Variants in XPO4 observed in about 807,000 individuals in gnomAD.
XPO4 encodes the protein exportin-4.
A neutral mutation model predicts 143.0 loss-of-function variants in XPO4; 39 were observed. That is an observed-to-expected ratio of 0.27 (90% confidence interval 0.21 to 0.36). The LOEUF (loss-of-function observed/expected upper bound fraction) is 0.36, where lower values mean the gene tolerates loss of function less well. Among genes scored for constraint, XPO4 ranks in the 10% least tolerant of loss-of-function variants. The pLI is 1.00. For missense variants in XPO4, 907 were observed against 1,348.0 expected, an observed-to-expected ratio of 0.67 and a Z score of 5.12; for synonymous variants, 439 against 474.0, an observed-to-expected ratio of 0.93 and a Z score of 0.96.
At chr13:20,876,366 G>GA (rs1255078627) in intron 1 of XPO4, among the ~76,000 whole-genome samples, 1 of 150,530 alleles carries the variant, frequency 6.6e-6, no homozygotes, top group East Asian at 1.9e-4. Flanking sequence ...TATTAGAGCA[G>GA]AAAAAACAAT....
In XPO4 at chr13:20,786,452, G is replaced by A. The variant is rs542490723; in HGVS notation, c.3258+513C>T. ...CAGGCACCTATTCGATCAGAAGTGG[G>A]GAGACAGGTAAGCTAGCCTAACTCT... On this transcript the variant is annotated intron_variant, in intron 22 of 22. Coordinates refer to ENST00000255305, the MANE Select transcript of XPO4 (RefSeq NM_022459.5). 1.9e-3 allele frequency among the ~76,000 whole-genome samples: 292 copies of A among 152,004 alleles called. 2 individuals are homozygous for A. Among genetic ancestry groups the A allele is most frequent in the African/African-American group, 6.8e-3 (282 of 41,426 alleles).
At position 20,822,117 on chromosome 13, in the gene XPO4, G is replaced by T; in HGVS notation, c.998+15C>A. 2 of 1,591,650 alleles carry T rather than the reference G, an allele frequency of 1.3e-6. No homozygotes were observed. The highest frequency in any genetic ancestry group is 1.2e-5 in the South Asian group (1 of 86,926). ...TAGAGCTCCTTTTTCAGCTGCAAAG[G>T]GCAAGTATACCTACCCATTGATAGT... On this transcript the variant is annotated intron_variant, in intron 8 of 22. Transcript: ENST00000255305.
chr13:20,895,160 AGAGT>A (rs1183382834), intron 1 of XPO4, among the ~76,000 whole-genome samples: 1 of 152,182 alleles, frequency 6.6e-6, no homozygotes, highest in Admixed American at 6.5e-5. Context: ...CCTAGGCAAC[AGAGT>A]GAGACTCCAT....
intron 7 of XPO4, among the ~76,000 whole-genome samples, chr13:20,822,624 T>C (rs1043615554): frequency 2.6e-5 from 4 of 152,264 alleles, no homozygotes; most frequent in Non-Finnish European, 5.9e-5. Flanking sequence ...ATCTGTATTA[T>C]GCTAACTATG....
intron 6 of XPO4, among the ~76,000 whole-genome samples, chr13:20,829,036 G>A (rs2059821297): frequency 6.6e-6 from 1 of 152,122 alleles, no homozygotes; most frequent in African/African-American, 2.4e-5. Flanking sequence ...CCACAATAAC[G>A]GGATGCCAAA....
intron 2 of XPO4, among the ~76,000 whole-genome samples, chr13:20,867,236 G>C (rs1295117529): frequency 1.3e-5 from 2 of 152,170 alleles, no homozygotes; most frequent in African/African-American, 4.8e-5. Context: ...GCTTCAGTGA[G>C]AATTTAAAAG....
chr13:20,805,720 T>G (rs2059496206), intron 13 of XPO4, among the ~76,000 whole-genome samples: 2 of 152,196 alleles, frequency 1.3e-5, no homozygotes, highest in African/African-American at 4.8e-5. Context: ...CTCTCCTTTA[T>G]AAAGAGTTCT....
At position 20,796,113 on chromosome 13, in the gene XPO4, GT is replaced by G. The variant is rs1193913159; in HGVS notation, c.2759del (p.Asn920ThrfsTer8). On this transcript the variant is annotated frameshift_variant, in exon 18 of 23. Transcript: ENST00000255305. LOFTEE classifies it high-confidence loss of function. ...DLLLIMELLT[N>X]LLSKEFIDFS... ...AATCTATGAATTCTTTTGACAGCAG[GT>G]TAGTAAGAAGTTCCATAATGAGAAG... The G allele has an allele frequency of 6.2e-7, 1 of 1,613,596 alleles. No homozygotes were observed. The highest frequency in any genetic ancestry group is 1.1e-5 in the South Asian group (1 of 90,978).
At position 20,787,028 on chromosome 13, in the gene XPO4, CT is replaced by C; in HGVS notation, c.3194del (p.Lys1065SerfsTer6). 1.3e-6 allele frequency: 2 copies of C among 1,566,624 alleles called. No individual in the cohort carries two copies. Among genetic ancestry groups the C allele is most frequent in the Non-Finnish European group, 8.7e-7 (1 of 1,152,840 alleles). On this transcript the variant is annotated frameshift_variant, in exon 22 of 23. Transcript: ENST00000255305. LOFTEE classifies it high-confidence loss of function. ...CCGCAGTGGTCATCTCTGTGTTGTG[CT>C]TTTGCAAAACCAGCATATCAAAAAC... is the stretch of plus-strand genomic sequence containing the variant. ...KLVFDMLVLQ[K>X]HNTEMTTAAG... is the part of the protein sequence containing the mutation.
At chr13:20,823,566 T>C (rs1443402416) in intron 7 of XPO4, among the ~76,000 whole-genome samples, 1 of 137,884 alleles carries the variant, frequency 7.3e-6, no homozygotes, top group Non-Finnish European at 1.5e-5. Flanking sequence ...TAAGAATGGT[T>C]GTGTTTTTTT....
At chr13:20,837,631 C>CGA (rs1431768880) in intron 6 of XPO4, among the ~76,000 whole-genome samples, 3 of 152,002 alleles carry the variant, frequency 2.0e-5, no homozygotes, top group Non-Finnish European at 4.4e-5. Flanking sequence ...AACACATACC[C>CGA]GAGATTGAGC....
chr13:20,878,270 C>G (rs2060372857), intron 1 of XPO4, among the ~76,000 whole-genome samples: 1 of 152,144 alleles, frequency 6.6e-6, no homozygotes, highest in South Asian at 2.1e-4. Context: ...TGAGACTTAT[C>G]TAGAAAAAGT....
chr13:20,851,753 C>T lies in XPO4; in HGVS notation c.456+3874G>A, dbSNP rs981747067. On this transcript the variant is annotated intron_variant, in intron 4 of 22. Transcript: ENST00000255305. ...AAAGAAAGAAAGAAAGAAAGAAAGA[C>T]AGAAATTTGACTTTAAAAAAAACTT... 3 of 915,208 alleles carry T rather than the reference C, an allele frequency of 3.3e-6. No homozygotes were observed. The African/African-American group carries it at 5.7e-5, about 17-fold the overall frequency. 56.7% of individuals were successfully genotyped at this position (915,208 alleles called of 1,614,324 possible).
intron 1 of XPO4, among the ~76,000 whole-genome samples, chr13:20,871,707 T>A (rs1240306044): frequency 6.6e-6 from 1 of 152,156 alleles, no homozygotes; most frequent in Admixed American, 6.5e-5. Context: ...GCACAACATA[T>A]CCATAATTGT....
At chr13:20,846,917 T>A (rs904232677) in intron 4 of XPO4, among the ~76,000 whole-genome samples, 1 of 152,100 alleles carries the variant, frequency 6.6e-6, no homozygotes, top group African/African-American at 2.4e-5. Context: ...AAGAAATACA[T>A]AAAAATAAAT....
At position 20,878,341 on chromosome 13, in the gene XPO4, T is replaced by C. The variant is rs2060373798; in HGVS notation, c.70-9640A>G. Among the ~76,000 whole-genome samples the C allele has an allele frequency of 2.0e-5, 3 of 152,108 alleles. 1 individual carries two copies. The South Asian group carries it at 6.2e-4, about 32-fold the overall frequency. Reference sequence around the variant, plus strand: ...CTTCTACCACCTTCTAGACATTTATTCCCCAGAGAACTTCTCCCCTTTCCC... The same window carrying C: ...CTTCTACCACCTTCTAGACATTTATCCCCCAGAGAACTTCTCCCCTTTCCC... On this transcript the variant is annotated intron_variant, in intron 1 of 22. Coordinates refer to ENST00000255305, the MANE Select transcript of XPO4 (RefSeq NM_022459.5).
chr13:20,843,452 T>C (rs1380390755), intron 5 of XPO4, among the ~76,000 whole-genome samples: 1 of 152,230 alleles, frequency 6.6e-6, no homozygotes, highest in African/African-American at 2.4e-5. Flanking sequence ...TCTGGCATTC[T>C]TCCAGACCTA....
At chr13:20,829,830 G>A (rs2059830802) in intron 6 of XPO4, among the ~76,000 whole-genome samples, 1 of 152,026 alleles carries the variant, frequency 6.6e-6, no homozygotes, top group Non-Finnish European at 1.5e-5. Flanking sequence ...TCTTACAAAA[G>A]TATCAGTAAG....
At position 20,787,588 on chromosome 13, in the gene XPO4, C is replaced by T; in HGVS notation, c.3058G>A (p.Glu1020Lys). The T allele has an allele frequency of 6.2e-7, 1 of 1,614,130 alleles. No homozygotes were observed. Among genetic ancestry groups the T allele is most frequent in the Non-Finnish European group, 8.5e-7 (1 of 1,179,980 alleles). Residue 1020 changes from glutamate (E) to lysine (K), a missense_variant, in exon 21 of 23, where the codon GAG becomes AAG. Transcript: ENST00000255305. ...LELGMTSMSS[E>K]VCQLCLEALT... ...GCCTCCAGGCAAAGCTGGCAAACCT[C>T]CGAACTCATTCTGATCATGAAGGTC... is the stretch of plus-strand genomic sequence containing the variant.
Sources: gnomAD v4.1 joint callset for allele counts (sites outside exome capture counted in the v4.1 genomes callset) on GRCh38, gnomAD v4.1.1 for gene constraint, MANE v1.5 for transcripts, NCBI Gene and HGNC (gene_info 2026-07-23, HGNC 2026-07-21) for gene names.